Variants in PRELID2 observed in about 807,000 individuals in gnomAD.
The protein encoded by PRELID2 is PRELI domain containing 2.
In PRELID2, 25 loss-of-function variants were observed where a neutral mutation model predicts 28.4. That is an observed-to-expected ratio of 0.88 (90% CI 0.64 to 1.23). The LOEUF is 1.23. Ranked by LOEUF, PRELID2 falls within the 50% of genes most tolerant of loss-of-function variation. The pLI, the probability that PRELID2 is intolerant of heterozygous loss-of-function variation, is 0.00. For missense variants in PRELID2, 201 were observed against 214.4 expected, an observed-to-expected ratio of 0.94 and a Z score of 0.39; for synonymous variants, 76 against 71.6, an observed-to-expected ratio of 1.06 and a Z score of -0.31.
At chr5:145,422,751 G>T in the PRELID2 span, among the ~76,000 whole-genome samples, 1 of 151,274 alleles carries the variant, frequency 6.6e-6, no homozygotes, top group African/African-American at 2.4e-5. Flanking sequence ...AGTTAATATT[G>T]TTATGTGTGA....
chr5:145,290,871 G>A, the PRELID2 span, among the ~76,000 whole-genome samples: 2 of 150,756 alleles, frequency 1.3e-5, no homozygotes, highest in African/African-American at 4.9e-5. Flanking sequence ...AGCAGTGTCT[G>A]TCACAGAGCA....
At chr5:145,464,072 C>T in the PRELID2 span, among the ~76,000 whole-genome samples, 1 of 152,120 alleles carries the variant, frequency 6.6e-6, no homozygotes, top group Non-Finnish European at 1.5e-5. Context: ...CTCCAAAGGC[C>T]TGTGTCACAT....
chr5:145,288,603 G>C, the PRELID2 span, among the ~76,000 whole-genome samples: 2 of 152,092 alleles, frequency 1.3e-5, no homozygotes, highest in African/African-American at 4.8e-5. Context: ...TAGGTGTGCT[G>C]GTTGCTACTG....
At chr5:145,343,006 C>G in the PRELID2 span, among the ~76,000 whole-genome samples, 1 of 150,960 alleles carries the variant, frequency 6.6e-6, no homozygotes, top group Admixed American at 6.6e-5. Context: ...CACTAGAATA[C>G]CTAGATTTAT....
At chr5:145,333,819 C>CAAA in the PRELID2 span, among the ~76,000 whole-genome samples, 25,430 of 90,480 alleles carry the variant, frequency 0.28, 2,733 homozygotes, top group South Asian at 0.37. Flanking sequence ...CTGGAGTATA[C>CAAA]AAAAAAAAAA....
chr5:145,296,001 A>G, the PRELID2 span, among the ~76,000 whole-genome samples: 1 of 152,090 alleles, frequency 6.6e-6, no homozygotes, highest in African/African-American at 2.4e-5. Flanking sequence ...AGCTGCTAAG[A>G]TTTCCAGACA....
intron 1 of PRELID2, among the ~76,000 whole-genome samples, chr5:145,632,665 T>C (rs1224898055): frequency 6.6e-6 from 1 of 152,204 alleles, no homozygotes; most frequent in Non-Finnish European, 1.5e-5. Context: ...GGAAAAATTC[T>C]AAGGCAGCCC....
intron 1 of PRELID2, among the ~76,000 whole-genome samples, chr5:145,829,254 T>G (rs904698144): frequency 2.0e-5 from 3 of 152,142 alleles, no homozygotes; most frequent in Admixed American, 6.6e-5. Flanking sequence ...TTAGATAAGT[T>G]TCTAAGTATA....
the PRELID2 span, among the ~76,000 whole-genome samples, chr5:145,333,189 G>A: frequency 1.3e-5 from 2 of 152,148 alleles, no homozygotes; most frequent in Admixed American, 6.5e-5. Flanking sequence ...GAGCTCTCCT[G>A]TATGAGGTAT....
intron 4 of PRELID2, among the ~76,000 whole-genome samples, chr5:145,804,987 C>T (rs1244411812): frequency 6.6e-6 from 1 of 152,144 alleles, no homozygotes; most frequent in Admixed American, 6.6e-5. Flanking sequence ...TCACCAGGTT[C>T]CTCTCTATTG....
chr5:145,501,923 A>C (rs1278603789), intron 1 of PRELID2, among the ~76,000 whole-genome samples: 1 of 152,016 alleles, frequency 6.6e-6, no homozygotes, highest in Non-Finnish European at 1.5e-5. Context: ...TTTGTCCTCT[A>C]TGTATTGCTG....
chr5:145,607,107 A>G (rs1182946667), intron 1 of PRELID2, among the ~76,000 whole-genome samples: 3 of 151,988 alleles, frequency 2.0e-5, no homozygotes, highest in African/African-American at 7.2e-5. Flanking sequence ...GTCATTTCTG[A>G]TAGTGTTTAT....
At chr5:145,526,781 A>T (rs1186104611) in intron 1 of PRELID2, among the ~76,000 whole-genome samples, 1 of 152,334 alleles carries the variant, frequency 6.6e-6, no homozygotes, top group East Asian at 1.9e-4. Flanking sequence ...GAGTGTAATG[A>T]GTACATAGCA....
intron 1 of PRELID2, among the ~76,000 whole-genome samples, chr5:145,578,156 C>A (rs1374178948): frequency 6.6e-6 from 1 of 152,100 alleles, no homozygotes; most frequent in Non-Finnish European, 1.5e-5. Flanking sequence ...CCAAGGAGAA[C>A]AAAATCCCGA....
chr5:145,549,028 T>A (rs1752810479), intron 1 of PRELID2, among the ~76,000 whole-genome samples: 1 of 152,204 alleles, frequency 6.6e-6, no homozygotes, highest in Non-Finnish European at 1.5e-5. Context: ...TCTTCTCCTG[T>A]CACCTCACTA....
the PRELID2 span, among the ~76,000 whole-genome samples, chr5:145,354,817 G>A: frequency 6.6e-6 from 1 of 152,116 alleles, no homozygotes; most frequent in African/African-American, 2.4e-5. Flanking sequence ...GCCACTTAGG[G>A]CAGGGGGAGA....
At chr5:145,660,062 A>T (rs1754464421) in intron 1 of PRELID2, among the ~76,000 whole-genome samples, 1 of 152,172 alleles carries the variant, frequency 6.6e-6, no homozygotes, top group African/African-American at 2.4e-5. Context: ...ACCTCTGCTT[A>T]TAAAATTGCC....
intron 1 of PRELID2, chr5:145,728,944 C>T: frequency 1.3e-6 from 1 of 799,986 alleles, no homozygotes; most frequent in African/African-American, 1.7e-5. Context: ...AAACTCAAAA[C>T]CACAGCAACT....
At chr5:145,685,219 C>G (rs1755012308) in intron 1 of PRELID2, among the ~76,000 whole-genome samples, 1 of 152,186 alleles carries the variant, frequency 6.6e-6, no homozygotes, top group Admixed American at 6.5e-5. Context: ...CACTTCCCCA[C>G]TTATGTGGCT....
Sources: allele counts gnomAD v4.1 joint callset (sites outside exome capture counted in the v4.1 genomes callset), GRCh38; gene constraint gnomAD v4.1.1; transcripts MANE v1.5; gene names NCBI Gene and HGNC (gene_info 2026-07-23, HGNC 2026-07-21).